Variants in ABCB5 observed in about 807,000 individuals in gnomAD.
ABCB5 encodes ATP-binding cassette sub-family B member 5.
ABCB5 carries 155 observed loss-of-function variants against 144.2 expected under a neutral mutation model. That is an observed-to-expected ratio of 1.08 (90% CI 0.94 to 1.23). ABCB5 has a LOEUF of 1.23. Ranked by LOEUF, ABCB5 falls within the 50% of genes most tolerant of loss-of-function variation. The pLI is 0.00. For synonymous variants in ABCB5, 610 were observed against 528.6 expected (o/e 1.15, Z -2.11); for missense variants, 1,830 against 1,520.8 (o/e 1.20, Z -3.38).
chr7:20,710,519 C>T (rs183162034), intron 20 of ABCB5, among the ~76,000 whole-genome samples: 4 of 148,198 alleles, frequency 2.7e-5, no homozygotes, highest in Non-Finnish European at 6.0e-5. Flanking sequence ...ATATAAAAAA[C>T]ATTCTTATCT....
chr7:20,715,860 C>T (rs985785190), intron 20 of ABCB5, among the ~76,000 whole-genome samples: 4 of 151,932 alleles, frequency 2.6e-5, no homozygotes, highest in Non-Finnish European at 5.9e-5. Flanking sequence ...GCTGGGACTA[C>T]AGGTGCCCAC....
In ABCB5 at chr7:20,745,294, C is replaced by A; in HGVS notation, c.3285C>A (p.Ile1095=). Residue 1095 remains isoleucine, a synonymous_variant, in exon 26 of 28, where the codon ATC becomes ATA. Coordinates refer to ENST00000404938, the MANE Select transcript of ABCB5 (RefSeq NM_001163941.2). ...NVQWLRSQIA[I]VPQEPVLFNC... is the part of the protein sequence containing the mutation. ...AGTGGCTCCGTTCCCAAATAGCAAT[C>A]GTTCCTCAAGAGCCTGTGCTCTTCA... The A allele has an allele frequency of 1.2e-6, 2 of 1,614,020 alleles. No homozygotes were observed. The highest frequency in any genetic ancestry group is 1.7e-6 in the Non-Finnish European group (2 of 1,179,926).
chr7:20,707,406 C>T (rs1489016575), intron 20 of ABCB5, among the ~76,000 whole-genome samples: 1 of 152,058 alleles, frequency 6.6e-6, no homozygotes, highest in East Asian at 1.9e-4. Flanking sequence ...TTGTTTTAGC[C>T]CAAGGGAATA....
At chr7:20,720,549 T>G (rs1781826621) in intron 20 of ABCB5, among the ~76,000 whole-genome samples, 1 of 81,400 alleles carries the variant, frequency 1.2e-5, no homozygotes, top group Non-Finnish European at 2.6e-5. Context: ...ATGCATAATT[T>G]GAATCTAATT....
At chr7:20,728,064 T>C (rs1782092860) in intron 22 of ABCB5, among the ~76,000 whole-genome samples, 1 of 152,112 alleles carries the variant, frequency 6.6e-6, no homozygotes, top group African/African-American at 2.4e-5. Flanking sequence ...TAACAGTATA[T>C]AAAGTTAAAT....
intron 20 of ABCB5, among the ~76,000 whole-genome samples, chr7:20,721,030 G>A (rs1464642426): frequency 6.6e-6 from 1 of 150,634 alleles, no homozygotes; most frequent in East Asian, 2.0e-4. Flanking sequence ...TGAAATGTGT[G>A]ATTCCAATGT....
At chr7:20,650,794 T>A (rs1311996846) in intron 12 of ABCB5, among the ~76,000 whole-genome samples, 2 of 152,204 alleles carry the variant, frequency 1.3e-5, no homozygotes, top group Non-Finnish European at 2.9e-5. Flanking sequence ...TGTGACTACA[T>A]AAATTATTAG....
chr7:20,721,008 C>G (rs1036462650), intron 20 of ABCB5, among the ~76,000 whole-genome samples: 1 of 150,892 alleles, frequency 6.6e-6, no homozygotes, highest in Non-Finnish European at 1.5e-5. Context: ...CTAAAGAGGC[C>G]TGACACCTAA....
chr7:20,661,992 T>A (rs904451887), intron 14 of ABCB5, among the ~76,000 whole-genome samples: 1 of 152,210 alleles, frequency 6.6e-6, no homozygotes, highest in South Asian at 2.1e-4. Context: ...GGTGTGCCAA[T>A]GCAGCAGGTT....
At chr7:20,705,506 A>G (rs1786792047) in intron 20 of ABCB5, among the ~76,000 whole-genome samples, 1 of 152,210 alleles carries the variant, frequency 6.6e-6, no homozygotes, top group African/African-American at 2.4e-5. Context: ...AGCAGAAAAC[A>G]AGGTTTCCTA....
intron 4 of ABCB5, among the ~76,000 whole-genome samples, chr7:20,630,654 T>TA (rs1269115423): frequency 2.0e-5 from 3 of 152,166 alleles, no homozygotes; most frequent in Non-Finnish European, 4.4e-5. Context: ...ATTCACTGAG[T>TA]AAACATTTAT....
chr7:20,616,739 ACAAGTTT>A (rs901777936), intron 1 of ABCB5, among the ~76,000 whole-genome samples: 23 of 152,306 alleles, frequency 1.5e-4, no homozygotes, highest in African/African-American at 5.5e-4. Flanking sequence ...CTCAAACTTG[ACAAGTTT>A]CAAGTTAAAT....
chr7:20,727,844 C>G lies in ABCB5; in HGVS notation c.2727-471C>G, dbSNP rs1235734122. On this transcript the variant is annotated intron_variant, in intron 22 of 27. Coordinates refer to ENST00000404938, the MANE Select transcript of ABCB5 (RefSeq NM_001163941.2). Reference sequence around the variant, plus strand: ...AATTTTAAACTAGTCCTCCTTATCACATTGACTTAGTGATGCTTTTTATAT... The same window carrying G: ...AATTTTAAACTAGTCCTCCTTATCAGATTGACTTAGTGATGCTTTTTATAT... Among the ~76,000 whole-genome samples, 7 of 142,920 alleles carry G rather than the reference C, an allele frequency of 4.9e-5. No homozygotes were observed. The Middle Eastern group carries it at 0.014, about 286-fold the overall frequency. The allele number at this position is 142,920 out of a possible 152,430, so 93.8% of individuals were successfully genotyped here. A position where few individuals can be genotyped will look rare whatever the true frequency, so the allele number is the denominator to read the frequency against.
intron 14 of ABCB5, chr7:20,666,670 A>T (rs1785205682): frequency 1.3e-6 from 2 of 1,488,478 alleles, no homozygotes; most frequent in East Asian, 4.8e-5. Flanking sequence ...TGTTTGGTCA[A>T]ATACCTAATT....
chr7:20,671,363 A>C (rs1345258082), intron 14 of ABCB5, among the ~76,000 whole-genome samples: 3 of 152,198 alleles, frequency 2.0e-5, no homozygotes, highest in Admixed American at 2.0e-4. Flanking sequence ...GAAACTGTAC[A>C]TATTAAAACA....
chr7:20,685,588 G>T, intron 15 of ABCB5, 108 bp from the exon 16 acceptor site: 1 of 986,454 alleles, frequency 1.0e-6, no homozygotes, highest in South Asian at 2.0e-5. Context: ...ATTAGAATAT[G>T]CCACTTTCAA....
chr7:20,727,382 T>C (rs546491244), intron 22 of ABCB5, among the ~76,000 whole-genome samples: 1 of 152,344 alleles, frequency 6.6e-6, no homozygotes, highest in South Asian at 2.1e-4. Flanking sequence ...TTACTAAGTA[T>C]GCACATTTTT....
chr7:20,661,948 G>T (rs75731479), intron 14 of ABCB5, among the ~76,000 whole-genome samples: 8,470 of 152,210 alleles, frequency 0.056, 339 homozygotes, highest in South Asian at 0.14. Context: ...CATGTCATAG[G>T]GTGTGAGTTT....
At chr7:20,736,453 T>G (rs1782381865) in intron 23 of ABCB5, among the ~76,000 whole-genome samples, 1 of 152,172 alleles carries the variant, frequency 6.6e-6, no homozygotes, top group African/African-American at 2.4e-5. Context: ...CCTGACCTCG[T>G]GATCCACCCA....
Sources: allele counts gnomAD v4.1 joint callset (sites outside exome capture counted in the v4.1 genomes callset), GRCh38; gene constraint gnomAD v4.1.1; transcripts MANE v1.5; gene names NCBI Gene and HGNC (gene_info 2026-07-23, HGNC 2026-07-21).